NRXN3: variants seen among roughly 807,000 people sequenced by gnomAD.
The protein encoded by NRXN3 is neurexin 3.
A neutral mutation model predicts 137.6 loss-of-function variants in NRXN3; 32 were observed. The ratio of observed to expected loss-of-function variants is 0.23; its 90% CI spans 0.18 to 0.31. The LOEUF (loss-of-function observed/expected upper bound fraction) is 0.31. Among genes scored for constraint, NRXN3 ranks in the 10% least tolerant of loss-of-function variants. The pLI is 1.00. For missense variants in NRXN3, 1,574 were observed against 2,062.5 expected (o/e 0.76, Z 4.59); for synonymous variants, 798 against 784.5 (o/e 1.02, Z -0.29).
chr14:79,286,535 A>T (rs1000261667), intron 15 of NRXN3, among the ~76,000 whole-genome samples: 7 of 139,676 alleles, frequency 5.0e-5, no homozygotes, highest in Admixed American at 1.5e-4. Context: ...TTGAGAGAAT[A>T]ATATATATAT....
chr14:79,547,275 G>T (rs781041362), intron 16 of NRXN3, among the ~76,000 whole-genome samples: 1 of 152,030 alleles, frequency 6.6e-6, no homozygotes, highest in East Asian at 1.9e-4. Context: ...CTGAAGGCAT[G>T]GCCATGAATT....
At chr14:78,236,601 G>T (rs919920229) in intron 1 of NRXN3, among the ~76,000 whole-genome samples, 17 of 152,204 alleles carry the variant, frequency 1.1e-4, no homozygotes, top group African/African-American at 4.1e-4. Flanking sequence ...AAGGGTAATT[G>T]TGGAGTCCTG....
intron 4 of NRXN3, among the ~76,000 whole-genome samples, chr14:78,562,163 C>T (rs2096792507): frequency 6.6e-6 from 1 of 151,854 alleles, no homozygotes; most frequent in South Asian, 2.1e-4. Context: ...CTTTGGGAGG[C>T]CGAGGTGGGT....
intron 16 of NRXN3, among the ~76,000 whole-genome samples, chr14:79,564,178 A>T (rs1489809720): frequency 6.6e-6 from 1 of 152,080 alleles, no homozygotes; most frequent in Non-Finnish European, 1.5e-5. Flanking sequence ...TTAAAAAAAA[A>T]AAAAGATGTT....
Position 78,803,768 on chromosome 14 carries a change from C to G in NRXN3, c.2193C>G (p.Ala731=), listed in dbSNP as rs17108263. 6.2e-7 allele frequency: 1 copy of G among 1,613,948 alleles called. No individual in the cohort carries two copies. The highest frequency in any genetic ancestry group is 2.2e-5 in the East Asian group (1 of 44,850). Residue 731 remains alanine, a synonymous_variant, in exon 9 of 21, where the codon GCC becomes GCG. Transcript: ENST00000335750. ...LLVATTSRDS[A]DTLRLELDGG... is the part of the protein sequence containing the mutation. ...TGGCTACGACCTCCAGGGACTCTGC[C>G]GACACCCTGCGTCTGGAGCTGGATG...
At chr14:78,423,636 T>TA (rs2093546761) in intron 4 of NRXN3, among the ~76,000 whole-genome samples, 1 of 152,218 alleles carries the variant, frequency 6.6e-6, no homozygotes, top group Non-Finnish European at 1.5e-5. Flanking sequence ...AAAGTAGCCT[T>TA]AGCTACAGCT....
At chr14:78,364,008 A>G (rs1057047600) in intron 4 of NRXN3, among the ~76,000 whole-genome samples, 23 of 152,186 alleles carry the variant, frequency 1.5e-4, no homozygotes, top group African/African-American at 5.5e-4. Context: ...GACTATGTTG[A>G]CTTCACCAAA....
chr14:79,290,185 G>T (rs1300881927), intron 15 of NRXN3, among the ~76,000 whole-genome samples: 2 of 152,184 alleles, frequency 1.3e-5, no homozygotes, highest in African/African-American at 2.4e-5. Flanking sequence ...TAATGGAAAT[G>T]ATCTGCCTGT....
intron 15 of NRXN3, among the ~76,000 whole-genome samples, chr14:79,454,734 A>G (rs180784593): frequency 2.8e-3 from 431 of 152,254 alleles, no homozygotes; most frequent in African/African-American, 9.6e-3. Flanking sequence ...CATATTTAGA[A>G]CATCTTAATT....
intron 16 of NRXN3, among the ~76,000 whole-genome samples, chr14:79,659,509 T>A (rs1395962892): frequency 6.6e-6 from 1 of 152,154 alleles, no homozygotes; most frequent in Non-Finnish European, 1.5e-5. Context: ...TTACATTTAT[T>A]TTCACAATAT....
At chr14:79,406,646 C>T (rs1351232549) in intron 15 of NRXN3, among the ~76,000 whole-genome samples, 1 of 151,938 alleles carries the variant, frequency 6.6e-6, no homozygotes, top group Non-Finnish European at 1.5e-5. Flanking sequence ...AGGATTTTGA[C>T]TATTTTGAAA....
At chr14:78,210,388 C>G (rs2062625752) in intron 1 of NRXN3, among the ~76,000 whole-genome samples, 1 of 152,174 alleles carries the variant, frequency 6.6e-6, no homozygotes. Flanking sequence ...GGCTCCACCT[C>G]TTATTATCAC....
intron 6 of NRXN3, among the ~76,000 whole-genome samples, chr14:78,652,113 A>T (rs1484520103): frequency 6.6e-6 from 1 of 152,228 alleles, no homozygotes; most frequent in Admixed American, 6.5e-5. Flanking sequence ...GTTGTTGTGT[A>T]CCCTGTCTAA....
rs373478790 is a variant in NRXN3, at chr14:79,494,753, C to T, written c.3444+27351C>T. ...AAACCCTTCACTGAGCTTCCACTAA[C>T]GTTAAAATATTATGTAACCGTGATA... On this transcript the variant is annotated intron_variant, in intron 16 of 20. Coordinates refer to ENST00000335750, the MANE Select transcript of NRXN3 (RefSeq NM_001330195.2). 6.6e-5 allele frequency among the ~76,000 whole-genome samples: 10 copies of T among 152,232 alleles called. 1 individual carries two copies. In the East Asian group the frequency reaches 9.6e-4, roughly 15 times the overall value.
intron 15 of NRXN3, among the ~76,000 whole-genome samples, chr14:79,187,504 C>A (rs2370935): frequency 0.56 from 85,242 of 151,932 alleles, 25,129 homozygotes; most frequent in South Asian, 0.69. Context: ...ATATTGCACC[C>A]CAGAATAATT....
At chr14:79,347,590 T>A (rs1341427964) in intron 15 of NRXN3, among the ~76,000 whole-genome samples, 1 of 152,002 alleles carries the variant, frequency 6.6e-6, no homozygotes, top group Admixed American at 6.6e-5. Flanking sequence ...CCTGGCTAAT[T>A]TTTTGTATTT....
At chr14:79,423,032 A>G (rs1291949800) in intron 15 of NRXN3, among the ~76,000 whole-genome samples, 4 of 152,052 alleles carry the variant, frequency 2.6e-5, no homozygotes, top group Non-Finnish European at 4.4e-5. Flanking sequence ...TCAGCTTTTG[A>G]TTTTTAAACA....
In NRXN3 at chr14:78,258,160, G is replaced by A. The variant is rs76649811; in HGVS notation, c.709+14358G>A. ...ATGAGGTTTAAATGAGATAGTGCAC[G>A]TAGAGTGCTCAGGACAATGCTTGGC... On this transcript the variant is annotated intron_variant, in intron 2 of 20. Transcript: ENST00000335750. Among the ~76,000 whole-genome samples the A allele has an allele frequency of 9.6e-3, 1,461 of 152,266 alleles. 23 individuals carry two copies. Among genetic ancestry groups the A allele is most frequent in the African/African-American group, 0.033 (1,376 of 41,542 alleles).
At chr14:79,436,663 GT>G (rs1410125624) in intron 15 of NRXN3, among the ~76,000 whole-genome samples, 1 of 152,148 alleles carries the variant, frequency 6.6e-6, no homozygotes, top group Non-Finnish European at 1.5e-5. Context: ...CATACTGTTT[GT>G]TTTTATTGGG....
Sources: allele counts gnomAD v4.1 joint callset (sites outside exome capture counted in the v4.1 genomes callset), GRCh38; gene constraint gnomAD v4.1.1; transcripts MANE v1.5; gene names NCBI Gene and HGNC (gene_info 2026-07-23, HGNC 2026-07-21).